Variants in EXOC2 observed in about 807,000 individuals in gnomAD.
EXOC2 encodes the protein SEC5-like 1.
In EXOC2, 70 loss-of-function variants were observed where a neutral mutation model predicts 131.8. The ratio of observed to expected loss-of-function variants is 0.53; its 90% CI spans 0.44 to 0.65. EXOC2 has a LOEUF of 0.65. Ranked by LOEUF, EXOC2 falls within the 30% of genes least tolerant of loss-of-function variation. The pLI is 0.00. For synonymous variants in EXOC2, 411 were observed against 398.4 expected (o/e 1.03, Z -0.38); for missense variants, 923 against 1,108.6 (o/e 0.83, Z 2.38).
At chr6:656,793 T>A in intron 1 of EXOC2, 1 of 1,604,376 alleles carries the variant, frequency 6.2e-7, no homozygotes, top group Non-Finnish European at 8.5e-7. Flanking sequence ...CAGCCTGGCC[T>A]CGTGGAGGCC....
intron 11 of EXOC2, among the ~76,000 whole-genome samples, chr6:581,547 T>C (rs1758904780): frequency 1.3e-5 from 2 of 152,194 alleles, no homozygotes; most frequent in South Asian, 4.1e-4. Context: ...CACCGTAGTA[T>C]TTCTAATTGC....
intron 27 of EXOC2, among the ~76,000 whole-genome samples, 162 bp from the exon 28 acceptor site, chr6:486,926 C>CA (rs1763099622): frequency 6.6e-6 from 1 of 152,220 alleles, no homozygotes; most frequent in Admixed American, 6.5e-5. Flanking sequence ...AAAAGAAACA[C>CA]ATCAAAGAAG....
At chr6:564,229 A>G in intron 15 of EXOC2, 75 bp from the exon 16 acceptor site, 2 of 1,560,596 alleles carry the variant, frequency 1.3e-6, no homozygotes, top group South Asian at 2.5e-5. Flanking sequence ...CTTTCACTGT[A>G]TAATCATTCC....
chr6:554,265 C>T (rs1218584746), intron 20 of EXOC2, among the ~76,000 whole-genome samples: 1 of 152,184 alleles, frequency 6.6e-6, no homozygotes, highest in African/African-American at 2.4e-5. Context: ...TGGTCTCAAA[C>T]TCCTGACCTC....
At position 584,132 on chromosome 6, in the gene EXOC2, C is replaced by T. The variant is rs191110772; in HGVS notation, c.1193-7250G>A. ...TAGCACATATACAACAATACACTTA[C>T]ACTGACTTTTTAACTATGAAATTAT... On this transcript the variant is annotated intron_variant, in intron 11 of 27. Coordinates refer to ENST00000230449, the MANE Select transcript of EXOC2 (RefSeq NM_018303.6). Among the ~76,000 whole-genome samples the T allele has an allele frequency of 5.3e-4, 80 of 152,312 alleles. 3 individuals carry two copies. In the East Asian group the frequency reaches 8.7e-3, roughly 16 times the overall value.
At position 570,324 on chromosome 6, in the gene EXOC2, G is replaced by A. The variant is rs1015082847; in HGVS notation, c.1443+2196C>T. 1.5e-4 allele frequency among the ~76,000 whole-genome samples: 23 copies of A among 152,148 alleles called. No individual in the cohort carries two copies. The Middle Eastern group carries it at 0.01, about 68-fold the overall frequency. On this transcript the variant is annotated intron_variant, in intron 13 of 27. Coordinates refer to ENST00000230449, the MANE Select transcript of EXOC2 (RefSeq NM_018303.6). Reference sequence around the variant, plus strand: ...AATTTTTTGTATTTTTAGTAGAGATGGGGTTTCACCGTGTCAGCCAGGATG... The same window carrying A: ...AATTTTTTGTATTTTTAGTAGAGATAGGGTTTCACCGTGTCAGCCAGGATG...
At chr6:647,544 G>T (rs1218409840) in intron 1 of EXOC2, among the ~76,000 whole-genome samples, 5 of 140,844 alleles carry the variant, frequency 3.6e-5, no homozygotes, top group African/African-American at 1.3e-4. Flanking sequence ...GACCGGATCT[G>T]TAAGAGTCTA....
intron 23 of EXOC2, among the ~76,000 whole-genome samples, chr6:516,474 A>G (rs942693050): frequency 6.6e-6 from 1 of 152,222 alleles, no homozygotes; most frequent in South Asian, 2.1e-4. Context: ...AGCTGTCATC[A>G]TATGTGCAGA....
At chr6:589,189 T>C (rs1334543550) in intron 11 of EXOC2, among the ~76,000 whole-genome samples, 1 of 152,218 alleles carries the variant, frequency 6.6e-6, no homozygotes, top group African/African-American at 2.4e-5. Flanking sequence ...CCACCTTTGC[T>C]GGAGAGCAGT....
intron 1 of EXOC2, among the ~76,000 whole-genome samples, chr6:668,454 T>C (rs931253149): frequency 2.0e-5 from 3 of 152,204 alleles, no homozygotes; most frequent in Non-Finnish European, 2.9e-5. Context: ...GAAATCTGCG[T>C]TCTGTCACAC....
Position 640,585 on chromosome 6 carries a change from G to A in EXOC2, c.-43-2724C>T, listed in dbSNP as rs77802664. On this transcript the variant is annotated intron_variant, in intron 1 of 27. Transcript: ENST00000230449. Reference sequence around the variant, plus strand: ...TTTAAAGAGGTAATAAAGGTGAAACGAGGTCACATGGGTGGGTCCTAATCC... The same window carrying A: ...TTTAAAGAGGTAATAAAGGTGAAACAAGGTCACATGGGTGGGTCCTAATCC... 6.6e-5 allele frequency among the ~76,000 whole-genome samples: 10 copies of A among 152,258 alleles called. No homozygotes were observed. The East Asian group carries it at 7.7e-4, about 12-fold the overall frequency.
At chr6:634,152 A>G (rs1394275873) in intron 2 of EXOC2, among the ~76,000 whole-genome samples, 1 of 151,608 alleles carries the variant, frequency 6.6e-6, no homozygotes, top group Non-Finnish European at 1.5e-5. Flanking sequence ...TGCAACCTCC[A>G]TCTCCCACGC....
At chr6:646,553 C>T (rs1241744183) in intron 1 of EXOC2, among the ~76,000 whole-genome samples, 1 of 152,134 alleles carries the variant, frequency 6.6e-6, no homozygotes, top group Non-Finnish European at 1.5e-5. Context: ...CAAACACATC[C>T]CATTAACATT....
At chr6:605,460 T>C (rs1481907795) in intron 7 of EXOC2, among the ~76,000 whole-genome samples, 1 of 152,246 alleles carries the variant, frequency 6.6e-6, no homozygotes, top group Non-Finnish European at 1.5e-5. Flanking sequence ...AATTTATCCA[T>C]TTCTTCTAGA....
chr6:529,499 G>C (rs62388785), intron 23 of EXOC2, among the ~76,000 whole-genome samples: 37 of 152,308 alleles, frequency 2.4e-4, no homozygotes, highest in Middle Eastern at 3.4e-3. Context: ...TCACTTTGTT[G>C]AGAGTGAAAC....
chr6:565,312 A>G (rs1267504510), intron 13 of EXOC2, among the ~76,000 whole-genome samples: 1 of 152,228 alleles, frequency 6.6e-6, no homozygotes, highest in African/African-American at 2.4e-5. Context: ...AACCAAAGGA[A>G]GCCTAAACTC....
intron 1 of EXOC2, among the ~76,000 whole-genome samples, chr6:651,577 C>A (rs1048066280): frequency 6.6e-6 from 1 of 151,760 alleles, no homozygotes; most frequent in African/African-American, 2.4e-5. Context: ...TCACTTGAAC[C>A]CGGAGGCCGA....
At chr6:679,070 G>A (rs933005300) in intron 1 of EXOC2, 1 of 151,860 alleles carries the variant, frequency 6.6e-6, no homozygotes, top group Non-Finnish European at 1.5e-5. Flanking sequence ...GGGGTGGAAG[G>A]ACAACATTTG....
chr6:631,278 A>G (rs763783015), intron 3 of EXOC2, among the ~76,000 whole-genome samples: 11 of 152,268 alleles, frequency 7.2e-5, no homozygotes, highest in South Asian at 2.1e-4. Context: ...AGTAGCTCAC[A>G]CCTGTAATCC....
Sources: gnomAD v4.1 joint callset for allele counts (sites outside exome capture counted in the v4.1 genomes callset) on GRCh38, gnomAD v4.1.1 for gene constraint, MANE v1.5 for transcripts, NCBI Gene and HGNC (gene_info 2026-07-23, HGNC 2026-07-21) for gene names.